FAM13B: variants seen among roughly 807,000 people sequenced by gnomAD.
The protein encoded by FAM13B is protein FAM13B.
A neutral mutation model predicts 117.3 loss-of-function variants in FAM13B; 60 were observed. The ratio of observed to expected loss-of-function variants is 0.51; its 90% confidence interval spans 0.42 to 0.63. The LOEUF (loss-of-function observed/expected upper bound fraction) is 0.63. Among genes scored for constraint, FAM13B ranks in the 30% least tolerant of loss-of-function variants. The pLI, the probability that FAM13B is intolerant of heterozygous loss-of-function variation, is 0.00. For missense variants in FAM13B, 972 were observed against 1,091.9 expected, an observed-to-expected ratio of 0.89 and a Z score of 1.55; for synonymous variants, 332 against 356.1, an observed-to-expected ratio of 0.93 and a Z score of 0.76.
chr5:138,022,248 T>C (rs766486716), intron 1 of FAM13B, among the ~76,000 whole-genome samples: 14 of 152,192 alleles, frequency 9.2e-5, no homozygotes, highest in Admixed American at 3.9e-4. Flanking sequence ...GACCAGCAAT[T>C]AGACTAGAGA....
chr5:138,014,546 A>G (rs1358832906), intron 4 of FAM13B, among the ~76,000 whole-genome samples: 1 of 152,248 alleles, frequency 6.6e-6, no homozygotes, highest in Non-Finnish European at 1.5e-5. Flanking sequence ...ACTGTCTTCC[A>G]CAAAACCAGT....
At chr5:137,951,236 A>AAAAAAAAG (rs1764931258) in intron 17 of FAM13B, among the ~76,000 whole-genome samples, 4 of 133,350 alleles carry the variant, frequency 3.0e-5, no homozygotes, top group African/African-American at 1.1e-4. Flanking sequence ...AAAAAAAAGG[A>AAAAAAAAG]GAGAGAGAGA....
chr5:137,988,797 A>G (rs1777880231), intron 7 of FAM13B, among the ~76,000 whole-genome samples: 1 of 152,236 alleles, frequency 6.6e-6, no homozygotes, highest in South Asian at 2.1e-4. Context: ...AACACACACC[A>G]CAGCATGAGC....
intron 10 of FAM13B, among the ~76,000 whole-genome samples, chr5:137,968,040 G>A (rs917184908): frequency 3.9e-5 from 6 of 151,934 alleles, no homozygotes; most frequent in African/African-American, 1.5e-4. Context: ...TGATCAACAT[G>A]GTGAAACCCC....
At chr5:137,960,038 C>A in intron 12 of FAM13B, 128 bp downstream of exon 12, 1 of 704,408 alleles carries the variant, frequency 1.4e-6, no homozygotes, top group Non-Finnish European at 2.4e-6. Flanking sequence ...TGCTGTTTAA[C>A]TGTAAAATAT....
intron 10 of FAM13B, among the ~76,000 whole-genome samples, chr5:137,968,891 G>C (rs1051361128): frequency 6.6e-6 from 1 of 152,184 alleles, no homozygotes; most frequent in South Asian, 2.1e-4. Flanking sequence ...TGAATACTAC[G>C]CTTTTCCGAC....
intron 10 of FAM13B, among the ~76,000 whole-genome samples, chr5:137,982,300 C>G (rs1013473014): frequency 2.0e-5 from 3 of 152,172 alleles, no homozygotes; most frequent in Non-Finnish European, 4.4e-5. Context: ...GGCCTATAAT[C>G]CCAGCACTTT....
Position 137,954,292 on chromosome 5 carries a change from T to C in FAM13B, c.1592A>G (p.His531Arg), listed in dbSNP as rs777680855. The C allele has an allele frequency of 1.8e-5, 29 of 1,613,930 alleles. No homozygotes were observed. Among genetic ancestry groups the C allele is most frequent in the Non-Finnish European group, 2.1e-5 (25 of 1,179,998 alleles). The change falls in exon 15 of 24, where the codon CAT becomes CGT. Residue 531 changes from histidine (H) to arginine (R), a missense_variant. His to Arg is a conservative substitution (Grantham distance 29). Transcript: ENST00000689681. Reference protein sequence around the residue: ...QLSPQAGRMNHHPLEEDCPPV... With the variant: ...QLSPQAGRMNRHPLEEDCPPV... ...AGGACAGTCCTCTTCCAAGGGGTGATGATTCATTCTTCCAGCTTGTGGAGA... is the reference window on the plus strand; with the variant it reads ...AGGACAGTCCTCTTCCAAGGGGTGACGATTCATTCTTCCAGCTTGTGGAGA...
At position 137,939,422 on chromosome 5, in the gene FAM13B, T is replaced by C. The variant is rs890391790; in HGVS notation, c.*803A>G. On this transcript the variant is annotated 3_prime_UTR_variant, in exon 24 of 24. Coordinates refer to ENST00000689681, the MANE Select transcript of FAM13B (RefSeq NM_001385994.1). ...CATTATCTGGAGGTGGGTTGGGGAA[T>C]AGCGCGGATCTGATCCAGACAAATC... 1 of 152,708 alleles carries C rather than the reference T, an allele frequency of 6.5e-6. No individual in the cohort carries two copies. Among genetic ancestry groups the C allele is most frequent in the African/African-American group, 2.4e-5 (1 of 41,432 alleles). 9.5% of individuals were successfully genotyped at this position (152,708 alleles called of 1,614,324 possible).
At chr5:138,033,109 T>G, upstream of FAM13B, 1 of 410,754 alleles carries the variant, frequency 2.4e-6, no homozygotes, top group Non-Finnish European at 3.1e-6. Flanking sequence ...GGACGTGACG[T>G]GCGTGGGAGG....
In FAM13B at chr5:137,987,706, A is replaced by T. The variant is rs144905989; in HGVS notation, c.891-90T>A. ...AAATGCTAAAACCTATGACCAGTAA[A>T]ACTATTATGGTACTTAAATGGGTAA... On this transcript the variant is annotated intron_variant, in intron 8 of 23. Coordinates refer to ENST00000689681, the MANE Select transcript of FAM13B (RefSeq NM_001385994.1). 5.6e-6 allele frequency: 7 copies of T among 1,255,432 alleles called. No individual in the cohort carries two copies. The East Asian group carries it at 1.7e-4, about 30-fold the overall frequency. The allele number at this position is 1,255,432 out of a possible 1,614,324, so 77.8% of individuals were successfully genotyped here.
At chr5:138,046,191 T>C (rs962528799) in intron 1 of FAM13B, among the ~76,000 whole-genome samples, 7 of 152,190 alleles carry the variant, frequency 4.6e-5, no homozygotes, top group African/African-American at 1.7e-4. Flanking sequence ...AGATGTGACT[T>C]GCTCCTCCTT....
At chr5:138,014,863 C>T (rs1784885836) in intron 4 of FAM13B, among the ~76,000 whole-genome samples, 1 of 152,192 alleles carries the variant, frequency 6.6e-6, no homozygotes, top group African/African-American at 2.4e-5. Context: ...TAAATATATA[C>T]ATACTTGCTT....
intron 4 of FAM13B, among the ~76,000 whole-genome samples, chr5:138,014,978 A>G (rs1784911221): frequency 6.6e-6 from 1 of 152,230 alleles, no homozygotes. Flanking sequence ...GTACTGTAAC[A>G]TTTTTTGGAA....
chr5:137,999,775 G>A (rs577969176), intron 7 of FAM13B, among the ~76,000 whole-genome samples: 21 of 152,284 alleles, frequency 1.4e-4, no homozygotes, highest in Middle Eastern at 6.8e-3. Flanking sequence ...TTCAGTGTCT[G>A]ATGAGGGCCC....
At chr5:138,035,990 C>T (rs971489994), upstream of FAM13B, among the ~76,000 whole-genome samples, 2 of 152,152 alleles carry the variant, frequency 1.3e-5, no homozygotes, top group African/African-American at 4.8e-5. Context: ...CTTCTTTCCA[C>T]GCACCTCCAA....
At chr5:138,016,517 C>G (rs1427911880) in intron 4 of FAM13B, among the ~76,000 whole-genome samples, 1 of 151,982 alleles carries the variant, frequency 6.6e-6, no homozygotes, top group Non-Finnish European at 1.5e-5. Flanking sequence ...GCCTGTAGTC[C>G]CAGCTACTCA....
intron 10 of FAM13B, among the ~76,000 whole-genome samples, chr5:137,979,594 C>G (rs564938216): frequency 6.6e-6 from 1 of 152,090 alleles, no homozygotes; most frequent in Non-Finnish European, 1.5e-5. Context: ...CCCACAATAC[C>G]CTGAGTTCTA....
chr5:137,999,650 A>G (rs941371630), intron 7 of FAM13B, among the ~76,000 whole-genome samples: 1 of 152,150 alleles, frequency 6.6e-6, no homozygotes, highest in African/African-American at 2.4e-5. Flanking sequence ...CCTCAGCACC[A>G]ATTTTCTTAG....
Sources: gnomAD v4.1 joint callset for allele counts (sites outside exome capture counted in the v4.1 genomes callset) on GRCh38, gnomAD v4.1.1 for gene constraint, MANE v1.5 for transcripts, NCBI Gene and HGNC (gene_info 2026-07-23, HGNC 2026-07-21) for gene names.